Variants in ANKRD11 observed in about 807,000 individuals in gnomAD.
ANKRD11 encodes ankyrin repeat domain 11, also known as ankyrin repeat domain-containing protein 11.
In ANKRD11, 17 loss-of-function variants were observed where a neutral mutation model predicts 195.7. The observed-to-expected ratio is 0.09, with a 90% CI of 0.06 to 0.13. The LOEUF is 0.13. Ranked by LOEUF, ANKRD11 falls within the 10% of genes least tolerant of loss-of-function variation. The probability of loss-of-function intolerance (pLI) is 1.00; values close to 1 mark genes in which losing one functional copy is unlikely to be tolerated. For missense variants in ANKRD11, 3,735 were observed against 3,566.1 expected, an observed-to-expected ratio of 1.05 and a Z score of -1.21; for synonymous variants, 1,953 against 1,528.1, an observed-to-expected ratio of 1.28 and a Z score of -6.49.
chr16:89,305,199 C>A lies in ANKRD11; in HGVS notation c.226+7G>T, dbSNP rs768800106. On this transcript the variant is annotated splice_region_variant and intron_variant, in intron 4 of 12. Coordinates refer to ENST00000301030, the MANE Select transcript of ANKRD11 (RefSeq NM_013275.6). ...GGCTGACTGCAGGAGGGGCCGCGGG[C>A]TGGTACCTGTGTCCGAGTCCTTCTG... 1 of 1,611,220 alleles carries A rather than the reference C, an allele frequency of 6.2e-7. No homozygotes were observed. Among genetic ancestry groups the A allele is most frequent in the Non-Finnish European group, 8.5e-7 (1 of 1,179,586 alleles).
At chr16:89,326,675 G>A (rs951344219) in intron 2 of ANKRD11, among the ~76,000 whole-genome samples, 1 of 152,168 alleles carries the variant, frequency 6.6e-6, no homozygotes, top group African/African-American at 2.4e-5. Flanking sequence ...CCAGGAGGTC[G>A]AGGCTGCAGT....
chr16:89,315,357 C>CT (rs1379004273), intron 3 of ANKRD11, among the ~76,000 whole-genome samples: 4 of 152,238 alleles, frequency 2.6e-5, no homozygotes, highest in South Asian at 2.1e-4. Context: ...TCCCAACACT[C>CT]TGACTGCTTA....
At chr16:89,366,881 C>T (rs2039971652) in intron 2 of ANKRD11, among the ~76,000 whole-genome samples, 1 of 152,226 alleles carries the variant, frequency 6.6e-6, no homozygotes, top group East Asian at 1.9e-4. Flanking sequence ...TCTGTCACAT[C>T]ATCCTGTTGC....
chr16:89,305,057 G>T, intron 4 of ANKRD11, 149 bp downstream of exon 4: 1 of 1,255,250 alleles, frequency 8.0e-7, no homozygotes, highest in Non-Finnish European at 1.1e-6. Context: ...CCTGTGCTCC[G>T]CCCCTGCTGC....
intron 1 of ANKRD11, among the ~76,000 whole-genome samples, chr16:89,424,240 G>A (rs546764521): frequency 6.6e-6 from 1 of 152,074 alleles, no homozygotes; most frequent in Non-Finnish European, 1.5e-5. Flanking sequence ...TTGGGAGTTC[G>A]AGACCAGCGT....
At chr16:89,447,486 C>T (rs764032678) in intron 1 of ANKRD11, among the ~76,000 whole-genome samples, 5 of 152,148 alleles carry the variant, frequency 3.3e-5, no homozygotes, top group South Asian at 2.1e-4. Flanking sequence ...ACCCACATCC[C>T]GGCTGTCGTC....
At chr16:89,321,908 G>A (rs553108280) in intron 2 of ANKRD11, among the ~76,000 whole-genome samples, 2 of 152,296 alleles carry the variant, frequency 1.3e-5, no homozygotes, top group South Asian at 2.1e-4. Context: ...AAAACCCGGA[G>A]GACGAAAGCC....
intron 2 of ANKRD11, among the ~76,000 whole-genome samples, chr16:89,344,359 T>C (rs949844290): frequency 6.6e-6 from 1 of 152,118 alleles, no homozygotes; most frequent in Non-Finnish European, 1.5e-5. Context: ...CAAAGACACC[T>C]CCTTGCTATG....
At chr16:89,473,939 A>G (rs1282783399) in intron 1 of ANKRD11, among the ~76,000 whole-genome samples, 1 of 152,206 alleles carries the variant, frequency 6.6e-6, no homozygotes, top group Admixed American at 6.5e-5. Context: ...TGACTACATT[A>G]TGTTACGTAA....
intron 1 of ANKRD11, among the ~76,000 whole-genome samples, chr16:89,448,083 G>T (rs1312114802): frequency 6.6e-6 from 1 of 151,694 alleles, no homozygotes; most frequent in East Asian, 2.0e-4. Flanking sequence ...GGGATTACAG[G>T]CATGGAGAGT....
intron 2 of ANKRD11, among the ~76,000 whole-genome samples, chr16:89,395,191 G>T (rs1016666437): frequency 4.6e-5 from 7 of 152,220 alleles, no homozygotes; most frequent in African/African-American, 1.7e-4. Context: ...TTAGAGGCTT[G>T]GTCAATTTTA....
At chr16:89,353,114 C>G (rs573472382) in intron 2 of ANKRD11, among the ~76,000 whole-genome samples, 184 of 152,234 alleles carry the variant, frequency 1.2e-3, no homozygotes, top group Middle Eastern at 3.4e-3. Context: ...GAGGCCAAGG[C>G]AGGTGGATCA....
At chr16:89,489,753 G>T (rs1470012900) in intron 1 of ANKRD11, among the ~76,000 whole-genome samples, 10 of 49,896 alleles carry the variant, frequency 2.0e-4, no homozygotes, top group African/African-American at 8.1e-4. Flanking sequence ...CCCCCCGTCC[G>T]CCCCTCACGG....
At chr16:89,273,386 G>GTC (rs2033352009) in intron 11 of ANKRD11, among the ~76,000 whole-genome samples, 2 of 152,160 alleles carry the variant, frequency 1.3e-5, no homozygotes, top group African/African-American at 4.8e-5. Flanking sequence ...GCACCATTTG[G>GTC]TCCAACTCAT....
chr16:89,371,968 A>G (rs1349709833), intron 2 of ANKRD11, among the ~76,000 whole-genome samples: 3 of 152,234 alleles, frequency 2.0e-5, no homozygotes, highest in Admixed American at 1.3e-4. Flanking sequence ...GCTGGAAGAA[A>G]GAACCCACAG....
Position 89,284,335 on chromosome 16 carries a change from T to C in ANKRD11, c.2207A>G (p.Lys736Arg), listed in dbSNP as rs141336881. Residue 736 changes from lysine to arginine, a missense_variant, in exon 9 of 13, where the codon AAA becomes AGA. By Grantham distance (26) the Lys-to-Arg change is conservative. Coordinates refer to ENST00000301030, the MANE Select transcript of ANKRD11 (RefSeq NM_013275.6). Reference sequence around the variant, plus strand: ...CTTTTCTGCTTTATTCGAACGGTCTTTCTCTTCTCGGAAAGACCTGCTGAT... The same window carrying C: ...CTTTTCTGCTTTATTCGAACGGTCTCTCTCTTCTCGGAAAGACCTGCTGAT... The part of the protein sequence containing the change: ...KDISRSFREE[K>R]DRSNKAEKER... 2.5e-6 allele frequency: 4 copies of C among 1,613,856 alleles called. No homozygotes were observed. Among genetic ancestry groups the C allele is most frequent in the African/African-American group, 1.3e-5 (1 of 74,944 alleles).
chr16:89,490,061 T>C (rs2057772227), intron 1 of ANKRD11, among the ~76,000 whole-genome samples, 184 bp downstream of exon 1: 1 of 106,874 alleles, frequency 9.4e-6, no homozygotes, highest in Non-Finnish European at 1.9e-5. Context: ...CCGGGACCCA[T>C]TATTGGTCCC....
intron 1 of ANKRD11, among the ~76,000 whole-genome samples, chr16:89,418,945 C>G (rs1252942480): frequency 6.6e-6 from 1 of 151,920 alleles, no homozygotes; most frequent in Non-Finnish European, 1.5e-5. Context: ...TGATCTGGAC[C>G]TCCTGACCTC....
At chr16:89,427,804 A>G (rs531845295) in intron 1 of ANKRD11, among the ~76,000 whole-genome samples, 22 of 152,110 alleles carry the variant, frequency 1.4e-4, no homozygotes, top group African/African-American at 5.3e-4. Context: ...AAAAAAAAAA[A>G]GTCTAGTAAT....
Sources: gnomAD v4.1 joint callset for allele counts (sites outside exome capture counted in the v4.1 genomes callset) on GRCh38, gnomAD v4.1.1 for gene constraint, MANE v1.5 for transcripts, NCBI Gene and HGNC (gene_info 2026-07-23, HGNC 2026-07-21) for gene names.